The following ADAMTS17 variants were observed in gnomAD, a reference collection of about 807,000 sequenced individuals.
ADAMTS17 encodes A disintegrin and metalloproteinase with thrombospondin motifs 17.
A neutral mutation model predicts 141.5 loss-of-function variants in ADAMTS17; 113 were observed. The ratio of observed to expected loss-of-function variants is 0.80; its 90% CI spans 0.69 to 0.93. The LOEUF (loss-of-function observed/expected upper bound fraction) is 0.93. Ranked by LOEUF, ADAMTS17 falls within the 40% of genes least tolerant of loss-of-function variation. ADAMTS17 has a pLI of 0.00. For missense variants in ADAMTS17, 1,659 were observed against 1,517.9 expected, an observed-to-expected ratio of 1.09 and a Z score of -1.54; for synonymous variants, 768 against 630.6, an observed-to-expected ratio of 1.22 and a Z score of -3.27.
intron 7 of ADAMTS17, among the ~76,000 whole-genome samples, chr15:100,220,129 C>T (rs2042087314): frequency 6.6e-6 from 1 of 152,120 alleles, no homozygotes; most frequent in African/African-American, 2.4e-5. Context: ...GAACAAGGAG[C>T]ATGAACCTGA....
chr15:100,042,874 C>T lies in ADAMTS17; in HGVS notation c.2591+5983G>A, dbSNP rs146942723. Among the ~76,000 whole-genome samples, 262 of 152,256 alleles carry T rather than the reference C, an allele frequency of 1.7e-3. 1 individual carries two copies. In the Middle Eastern group the frequency reaches 0.044, roughly 26 times the overall value. ...AATATTTTTGGGCAATGGTTGACCA[C>T]GGGTAACTGAAACCACAGAAAGTGA... On this transcript the variant is annotated intron_variant, in intron 18 of 21. Coordinates refer to ENST00000268070, the MANE Select transcript of ADAMTS17 (RefSeq NM_139057.4).
At chr15:100,083,703 G>T (rs1411492506) in intron 15 of ADAMTS17, among the ~76,000 whole-genome samples, 2 of 150,286 alleles carry the variant, frequency 1.3e-5, no homozygotes, top group African/African-American at 2.5e-5. Context: ...GAGGGCAGTT[G>T]GTGCCTTATT....
At chr15:100,038,290 T>C (rs373153452) in intron 18 of ADAMTS17, among the ~76,000 whole-genome samples, 12 of 152,300 alleles carry the variant, frequency 7.9e-5, no homozygotes, top group African/African-American at 2.9e-4. Flanking sequence ...AGCTTTGAAA[T>C]TGGGAAGCAT....
chr15:100,321,334 TAAAA>T (rs1220006441), intron 3 of ADAMTS17, among the ~76,000 whole-genome samples: 2 of 151,630 alleles, frequency 1.3e-5, no homozygotes, highest in Non-Finnish European at 2.9e-5. Context: ...AGTAAACAGA[TAAAA>T]TAAATAAAAT....
intron 15 of ADAMTS17, among the ~76,000 whole-genome samples, chr15:100,090,957 G>A (rs973311899): frequency 2.7e-5 from 4 of 146,362 alleles, no homozygotes; most frequent in Non-Finnish European, 5.9e-5. Context: ...GCAATGAGCC[G>A]AGATCGTGCC....
chr15:100,267,845 A>C (rs1170587497), intron 4 of ADAMTS17, among the ~76,000 whole-genome samples: 1 of 152,272 alleles, frequency 6.6e-6, no homozygotes, highest in African/African-American at 2.4e-5. Flanking sequence ...CAGAGTACCT[A>C]TCACCTTAAG....
In ADAMTS17 at chr15:100,105,854, A is replaced by G. The variant is rs2036384742; in HGVS notation, c.2016+3135T>C. ...AGGCACCCATCACCACATCCAGCTA[A>G]TTTTTTTGTATTTTTAGTACAGATG... On this transcript the variant is annotated intron_variant, in intron 14 of 21. Transcript: ENST00000268070. 2.6e-5 allele frequency among the ~76,000 whole-genome samples: 4 copies of G among 151,862 alleles called. No individual in the cohort carries two copies. In the South Asian group the frequency reaches 8.3e-4, roughly 32 times the overall value.
rs776365513 is a variant in ADAMTS17, at chr15:100,341,031, G to T, written c.450+8C>A. On this transcript the variant is annotated splice_region_variant and intron_variant, in intron 2 of 21. Transcript: ENST00000268070. Reference sequence around the variant, plus strand: ...GACGGGCCGACCCGGAGGTGGCGCGGGCAGTACCAGGCCGCCGGCGGCGCC... The same window carrying T: ...GACGGGCCGACCCGGAGGTGGCGCGTGCAGTACCAGGCCGCCGGCGGCGCC... 2 of 1,523,668 alleles carry T rather than the reference G, an allele frequency of 1.3e-6. No homozygotes were observed. Among genetic ancestry groups the T allele is most frequent in the South Asian group, 1.2e-5 (1 of 83,778 alleles). 94.4% of individuals were successfully genotyped at this position (1,523,668 alleles called of 1,614,324 possible).
chr15:100,027,569 C>G (rs1034861228), intron 18 of ADAMTS17, among the ~76,000 whole-genome samples: 1 of 152,182 alleles, frequency 6.6e-6, no homozygotes, highest in African/African-American at 2.4e-5. Flanking sequence ...GTCTATTTGT[C>G]TATACATTGT....
chr15:100,058,854 A>G lies in ADAMTS17; in HGVS notation c.2138-4800T>C, dbSNP rs149991663. On this transcript the variant is annotated intron_variant, in intron 15 of 21. Transcript: ENST00000268070. ...TATGGTCAAGGAATTGTGGGATAGG[A>G]AAGCGAAAGAGGCTGCGGCTGACGG... is the stretch of plus-strand genomic sequence containing the variant. Among the ~76,000 whole-genome samples, 37 of 152,328 alleles carry G rather than the reference A, an allele frequency of 2.4e-4. No individual in the cohort carries two copies. The East Asian group carries it at 6.6e-3, about 27-fold the overall frequency.
chr15:100,013,376 T>C (rs1041714848), intron 18 of ADAMTS17, among the ~76,000 whole-genome samples: 3 of 152,204 alleles, frequency 2.0e-5, no homozygotes, highest in African/African-American at 7.2e-5. Flanking sequence ...TGCCCTTTAT[T>C]TCTTTCTCTT....
intron 14 of ADAMTS17, among the ~76,000 whole-genome samples, chr15:100,107,869 A>G (rs2036503251): frequency 6.6e-6 from 1 of 152,172 alleles, no homozygotes; most frequent in Non-Finnish European, 1.5e-5. Flanking sequence ...ACAGGTGCCC[A>G]AGCTGACTAA....
intron 7 of ADAMTS17, among the ~76,000 whole-genome samples, chr15:100,238,235 A>C (rs779502868): frequency 6.6e-6 from 1 of 152,226 alleles, no homozygotes; most frequent in Non-Finnish European, 1.5e-5. Context: ...TGGCCACTCC[A>C]GGTAAAATTT....
At chr15:100,162,132 G>A (rs1404573891) in intron 8 of ADAMTS17, among the ~76,000 whole-genome samples, 2 of 152,080 alleles carry the variant, frequency 1.3e-5, no homozygotes, top group Non-Finnish European at 2.9e-5. Context: ...ATCATAGCAG[G>A]TAAATATGGA....
intron 17 of ADAMTS17, 140 bp from the exon 18 acceptor site, chr15:100,049,132 G>T: frequency 7.6e-7 from 1 of 1,318,076 alleles, no homozygotes; most frequent in Non-Finnish European, 1.1e-6. Context: ...AATGTCATGT[G>T]GGTTTTTAGA....
chr15:100,062,608 A>G (rs1480960), intron 15 of ADAMTS17, among the ~76,000 whole-genome samples: 150,131 of 152,310 alleles, frequency 0.99, 74,032 homozygotes, highest in East Asian at 1. Context: ...GCAGGAATGT[A>G]GACAAAGATG....
chr15:100,053,774 A>G, intron 16 of ADAMTS17, 123 bp downstream of exon 16: 1 of 1,436,194 alleles, frequency 7.0e-7, no homozygotes, highest in Non-Finnish European at 9.8e-7. Flanking sequence ...GACGGCATAA[A>G]CCCCTGGAAG....
Position 99,974,455 on chromosome 15 carries a change from T to C in ADAMTS17, c.3235A>G (p.Thr1079Ala). ...TTGTTTGCATAGAAGTCCCTGCAGG[T>C]CTGGCAGCAGCGCTGGTACCACCGC... ...DMRWYQRCCQ[T>A]CRDFYANKMR... is the part of the protein sequence containing the mutation. The change falls in exon 22 of 22, where the codon ACC becomes GCC. Residue 1079 changes from threonine (T) to alanine (A), a missense_variant. Thr to Ala is a moderately conservative substitution (Grantham distance 58). Transcript: ENST00000268070. The C allele has an allele frequency of 6.2e-7, 1 of 1,614,184 alleles. No homozygotes were observed. The highest frequency in any genetic ancestry group is 8.5e-7 in the Non-Finnish European group (1 of 1,180,030).
chr15:100,085,440 C>A (rs1260591409), intron 15 of ADAMTS17, among the ~76,000 whole-genome samples: 2 of 145,872 alleles, frequency 1.4e-5, no homozygotes, highest in African/African-American at 5.4e-5. Flanking sequence ...TCCAGGAGAA[C>A]TTCCCCAATC....
Sources: gnomAD v4.1 joint callset for allele counts (sites outside exome capture counted in the v4.1 genomes callset) on GRCh38, gnomAD v4.1.1 for gene constraint, MANE v1.5 for transcripts, NCBI Gene and HGNC (gene_info 2026-07-23, HGNC 2026-07-21) for gene names.